Variants in PM20D1 observed in about 807,000 individuals in gnomAD.
PM20D1 encodes N-fatty-acyl-amino acid synthase/hydrolase PM20D1.
PM20D1 carries 53 observed loss-of-function variants against 53.8 expected under a neutral mutation model. The ratio of observed to expected loss-of-function variants is 0.98; its 90% CI spans 0.79 to 1.24. The LOEUF (loss-of-function observed/expected upper bound fraction) is 1.24. Among genes scored for constraint, PM20D1 ranks in the 50% most tolerant of loss-of-function variants. PM20D1 has a pLI of 0.00. For synonymous variants in PM20D1, 239 were observed against 241.3 expected (o/e 0.99, Z 0.09); for missense variants, 564 against 616.8 (o/e 0.91, Z 0.91).
At chr1:205,843,363 C>T (rs991866211) in intron 6 of PM20D1, among the ~76,000 whole-genome samples, 4 of 152,200 alleles carry the variant, frequency 2.6e-5, no homozygotes, top group Admixed American at 1.3e-4. Context: ...GTGGCTCTGT[C>T]TCTCCTGTGG....
rs1030631809 is a variant in PM20D1 at position 205,850,023 on chromosome 1, A to G, written c.50T>C (p.Leu17Pro). The G allele has an allele frequency of 6.2e-7, 1 of 1,614,128 alleles. No individual in the cohort carries two copies. The highest frequency in any genetic ancestry group is 8.5e-7 in the Non-Finnish European group (1 of 1,180,018). ...CVLALVAMLL[L>P]VFPTVSRSMG... Reference sequence around the variant, plus strand: ...CGATCTGGAGACGGTAGGGAAAACTAGGAGCAGCATAGCCACCAGGGCCAG... The same window carrying G: ...CGATCTGGAGACGGTAGGGAAAACTGGGAGCAGCATAGCCACCAGGGCCAG... The change falls in exon 1 of 13, where the codon CTA becomes CCA. Residue 17 changes from leucine (L) to proline (P), a missense_variant. Coordinates refer to ENST00000367136, the MANE Select transcript of PM20D1 (RefSeq NM_152491.5).
rs539452619 is a variant in PM20D1 at position 205,832,697 on chromosome 1, G to A, written c.1186C>T (p.Pro396Ser). ...TCATCAGAAGGGCTGACGGGGAGGG[G>A]GTCAAAGGCACTCAACACATGGAAC... is the stretch of plus-strand genomic sequence containing the variant. Reference protein sequence around the residue: ...VQFHVLSAFDPLPVSPSDDKA... With the variant: ...VQFHVLSAFDSLPVSPSDDKA... Residue 396 changes from proline (P) to serine (S), a missense_variant, in exon 11 of 13, where the codon CCC becomes TCC. Physicochemically the swap from Pro to Ser is moderately conservative, Grantham distance 74 (BLOSUM62 -1). Coordinates refer to ENST00000367136, the MANE Select transcript of PM20D1 (RefSeq NM_152491.5). 3 of 1,613,946 alleles carry A rather than the reference G, an allele frequency of 1.9e-6. No individual in the cohort carries two copies. In the South Asian group the frequency reaches 3.3e-5, roughly 18 times the overall value.
At position 205,849,843 on chromosome 1, in the gene PM20D1, T is replaced by A. The variant is rs560774986; in HGVS notation, c.169+61A>T. The A allele has an allele frequency of 1.5e-5, 23 of 1,531,084 alleles. No individual in the cohort carries two copies. The Admixed American group carries it at 2.1e-4, about 14-fold the overall frequency. 94.8% of individuals were successfully genotyped at this position (1,531,084 alleles called of 1,614,324 possible). A position where few individuals can be genotyped will look rare whatever the true frequency, so the allele number is the denominator to read the frequency against. ...GCGGCGGAAGCGGGGAGTCACGGGTTGACCTGGGGAGGGAGGGACCCACAT... is the reference window on the plus strand; with the variant it reads ...GCGGCGGAAGCGGGGAGTCACGGGTAGACCTGGGGAGGGAGGGACCCACAT... On this transcript the variant is annotated intron_variant, in intron 1 of 12. Transcript: ENST00000367136.
intron 10 of PM20D1, among the ~76,000 whole-genome samples, chr1:205,837,363 C>T (rs972217057): frequency 5.3e-5 from 8 of 152,240 alleles, no homozygotes; most frequent in Non-Finnish European, 8.8e-5. Flanking sequence ...CCTCAAACAT[C>T]TCCCACTGGC....
At chr1:205,845,050 G>A (rs1038818753) in intron 3 of PM20D1, among the ~76,000 whole-genome samples, 153 bp from the exon 4 acceptor site, 8 of 152,152 alleles carry the variant, frequency 5.3e-5, no homozygotes, top group East Asian at 1.9e-4. Context: ...TGGTACAGGG[G>A]ACCTGATGCG....
intron 11 of PM20D1, among the ~76,000 whole-genome samples, chr1:205,831,561 CT>C (rs1159063004): frequency 8.4e-5 from 11 of 130,782 alleles, no homozygotes; most frequent in African/African-American, 3.2e-4. Context: ...AGCAACGTCT[CT>C]CTCCTTTTTT....
At chr1:205,837,057 A>G (rs1159557330) in intron 10 of PM20D1, among the ~76,000 whole-genome samples, 2 of 152,052 alleles carry the variant, frequency 1.3e-5, no homozygotes, top group African/African-American at 2.4e-5. Context: ...ACAGCATCCT[A>G]TTACTTTCTT....
intron 10 of PM20D1, 35 bp from the exon 11 acceptor site, chr1:205,832,801 A>T: frequency 5.9e-6 from 9 of 1,527,586 alleles, no homozygotes; most frequent in Non-Finnish European, 7.9e-6. Flanking sequence ...TCGATTTCTT[A>T]TTGATTTCTA....
At chr1:205,831,276 T>G (rs1656552720) in intron 11 of PM20D1, among the ~76,000 whole-genome samples, 1 of 152,234 alleles carries the variant, frequency 6.6e-6, no homozygotes, top group African/African-American at 2.4e-5. Flanking sequence ...TGGTTTCAAA[T>G]GGACATCCAG....
At chr1:205,835,879 GTTC>G (rs1656676289) in intron 10 of PM20D1, among the ~76,000 whole-genome samples, 1 of 151,582 alleles carries the variant, frequency 6.6e-6, no homozygotes. Flanking sequence ...CTGATCTCCT[GTTC>G]TTTTTTTTTT....
intron 6 of PM20D1, 40 bp from the exon 7 acceptor site, chr1:205,842,791 A>G (rs1230914741): frequency 6.3e-7 from 1 of 1,592,156 alleles, no homozygotes. Context: ...AGCGAACCCC[A>G]GCCAAAGATC....
At chr1:205,839,005 C>G (rs929133713) in intron 10 of PM20D1, among the ~76,000 whole-genome samples, 2 of 152,206 alleles carry the variant, frequency 1.3e-5, no homozygotes, top group Non-Finnish European at 2.9e-5. Context: ...TCTTCCAGCA[C>G]TCCCTCTGCA....
At chr1:205,849,858 G>A (rs2102533906) in intron 1 of PM20D1, 46 bp downstream of exon 1, 1 of 1,555,588 alleles carries the variant, frequency 6.4e-7, no homozygotes. Context: ...TGGGGAGGGA[G>A]GGACCCACAT....
intron 11 of PM20D1, among the ~76,000 whole-genome samples, chr1:205,831,295 A>G (rs1195663068): frequency 6.6e-6 from 1 of 152,138 alleles, no homozygotes; most frequent in Non-Finnish European, 1.5e-5. Context: ...AGGCCCTTCA[A>G]GTTCCTTGCT....
At chr1:205,840,209 C>T (rs1656775897) in intron 10 of PM20D1, 43 bp downstream of exon 10, 1 of 1,571,152 alleles carries the variant, frequency 6.4e-7, no homozygotes, top group Non-Finnish European at 8.7e-7. Context: ...GCCACATCTC[C>T]CTGATGCTGC....
rs770805352 is a variant in PM20D1 at position 205,832,618 on chromosome 1, T to A, written c.1265A>T (p.Glu422Val). Residue 422 changes from glutamate to valine, a missense_variant, in exon 11 of 13, where the codon GAA becomes GTA. Coordinates refer to ENST00000367136, the MANE Select transcript of PM20D1 (RefSeq NM_152491.5). ...LRQTVQSVFP[E>V]VNITAPVTSI... is the part of the protein sequence containing the mutation. ...ATTACCTGGGGCAGTAATATTGACTTCCGGGAAGACGGACTGTACGGTCTG... is the reference window on the plus strand; with the variant it reads ...ATTACCTGGGGCAGTAATATTGACTACCGGGAAGACGGACTGTACGGTCTG... 39 of 1,614,044 alleles carry A rather than the reference T, an allele frequency of 2.4e-5. 2 individuals carry two copies. The South Asian group carries it at 4.1e-4, about 17-fold the overall frequency.
chr1:205,834,122 A>T (rs921058652), intron 10 of PM20D1, among the ~76,000 whole-genome samples: 1 of 147,790 alleles, frequency 6.8e-6, no homozygotes, highest in Non-Finnish European at 1.5e-5. Flanking sequence ...TGTTGGGATT[A>T]CAGGTGTGAG....
rs540566489 is a variant in PM20D1 at position 205,833,443 on chromosome 1, T to G, written c.1117-677A>C. Among the ~76,000 whole-genome samples, 5 of 152,346 alleles carry G rather than the reference T, an allele frequency of 3.3e-5. No homozygotes were observed. The East Asian group carries it at 9.6e-4, about 29-fold the overall frequency. Reference sequence around the variant, plus strand: ...TTTTTTCCCCCTCTCTGGGCATTTCTGCTTCCTGTTTGTAACCAGCTGCAC... The same window carrying G: ...TTTTTTCCCCCTCTCTGGGCATTTCGGCTTCCTGTTTGTAACCAGCTGCAC... On this transcript the variant is annotated intron_variant, in intron 10 of 12. Coordinates refer to ENST00000367136, the MANE Select transcript of PM20D1 (RefSeq NM_152491.5).
intron 3 of PM20D1, 100 bp downstream of exon 3, chr1:205,845,225 T>C: frequency 8.2e-7 from 1 of 1,225,456 alleles, no homozygotes. Context: ...GGAGCCAAGA[T>C]TCTTTTTACC....
Sources: allele counts gnomAD v4.1 joint callset (sites outside exome capture counted in the v4.1 genomes callset), GRCh38; gene constraint gnomAD v4.1.1; transcripts MANE v1.5; gene names NCBI Gene and HGNC (gene_info 2026-07-23, HGNC 2026-07-21).